Variants in PDZD2 observed in about 807,000 individuals in gnomAD.
PDZD2 encodes the protein PDZ domain containing 2.
A neutral mutation model predicts 220.7 loss-of-function variants in PDZD2; 90 were observed. The ratio of observed to expected loss-of-function variants is 0.41; its 90% CI spans 0.34 to 0.49. PDZD2 has a LOEUF of 0.49. Ranked by LOEUF, PDZD2 falls within the 20% of genes least tolerant of loss-of-function variation. The pLI is 0.28. For missense variants in PDZD2, 3,174 were observed against 3,608.5 expected, an observed-to-expected ratio of 0.88 and a Z score of 3.08; for synonymous variants, 1,375 against 1,450.5, an observed-to-expected ratio of 0.95 and a Z score of 1.18.
intron 1 of PDZD2, among the ~76,000 whole-genome samples, chr5:31,774,890 T>C (rs867433962): frequency 1.3e-4 from 20 of 152,256 alleles, no homozygotes; most frequent in Admixed American, 6.5e-5. Context: ...TAGTGTGCTG[T>C]TAAATGTTTA....
chr5:31,893,400 G>A (rs181074822), intron 2 of PDZD2, among the ~76,000 whole-genome samples: 47 of 152,184 alleles, frequency 3.1e-4, no homozygotes, highest in Admixed American at 8.5e-4. Context: ...GTGAAAACCC[G>A]TCTCTACAAA....
At chr5:32,036,114 C>T (rs1755527713) in intron 6 of PDZD2, among the ~76,000 whole-genome samples, 1 of 152,076 alleles carries the variant, frequency 6.6e-6, no homozygotes, top group African/African-American at 2.4e-5. Flanking sequence ...CGGCTAATTT[C>T]ACACCCGGCT....
rs369076866 is a variant in PDZD2 at position 32,090,852 on chromosome 5, G to C, written c.7404G>C (p.Ser2468=). Residue 2468 remains serine (S), a synonymous_variant, in exon 20 of 25, where the codon TCG becomes TCC. Transcript: ENST00000438447. The surrounding 1 kb of genome is among the most constrained non-coding windows in gnomAD (Gnocchi z 4.3). ...LASPVKRNKS[S]VRHTQPSPVS... ...CTCCTGTTAAGAGGAACAAGTCCTC[G>C]GTACGCCACACGCAGCCCTCGCCCG... The C allele has an allele frequency of 1.9e-6, 3 of 1,613,918 alleles. No homozygotes were observed. In the African/African-American group the frequency reaches 4.0e-5, roughly 22 times the overall value.
chr5:32,096,136 T>C (rs543188208), intron 21 of PDZD2, among the ~76,000 whole-genome samples: 1 of 152,278 alleles, frequency 6.6e-6, no homozygotes, highest in African/African-American at 2.4e-5. Context: ...CATTACCTCC[T>C]AGAAGCTGGA....
rs765990513 is a variant in PDZD2, at chr5:31,663,360, T to TGGTA, written c.-361+23926_-361+23929dup. Among the ~76,000 whole-genome samples the TGGTA allele has an allele frequency of 2.6e-5, 4 of 152,218 alleles. No individual in the cohort carries two copies. The East Asian group carries it at 7.7e-4, about 29-fold the overall frequency. ...TAAGGGTCACACAGTGAAGACCGTTTGGTAGGACTTTTCCCCACTGCCCCA... is the reference window on the plus strand; with the variant it reads ...TAAGGGTCACACAGTGAAGACCGTTTGGTAGGTAGGACTTTTCCCCACTGCCCCA... On this transcript the variant is annotated intron_variant, in intron 1 of 24. Coordinates refer to ENST00000438447, the MANE Select transcript of PDZD2 (RefSeq NM_178140.4).
At chr5:31,706,089 G>A (rs894164846) in intron 1 of PDZD2, among the ~76,000 whole-genome samples, 28 of 152,110 alleles carry the variant, frequency 1.8e-4, no homozygotes, top group Admixed American at 1.6e-3. Flanking sequence ...CTCTATAAGG[G>A]GAAGGATTAT....
intron 2 of PDZD2, among the ~76,000 whole-genome samples, chr5:31,924,266 G>A (rs6863478): frequency 0.18 from 27,358 of 152,026 alleles, 2,498 homozygotes; most frequent in Non-Finnish European, 0.19. Flanking sequence ...TGCCTGTTCC[G>A]CAAGCCTGCC....
chr5:32,047,293 A>C (rs959483015), intron 7 of PDZD2, among the ~76,000 whole-genome samples: 3 of 152,204 alleles, frequency 2.0e-5, no homozygotes. Flanking sequence ...GACACTGCCC[A>C]GTGTGACAAA....
chr5:31,682,169 G>A (rs1716645121), intron 1 of PDZD2, among the ~76,000 whole-genome samples: 1 of 152,226 alleles, frequency 6.6e-6, no homozygotes, highest in African/African-American at 2.4e-5. Context: ...AGCAGCTGCT[G>A]TGTGTTTCCT....
intron 1 of PDZD2, among the ~76,000 whole-genome samples, chr5:31,683,207 T>TAAAAAAAAAAAAAAAAAAAAAA (rs35467814): frequency 7.7e-6 from 1 of 129,056 alleles, no homozygotes; most frequent in African/African-American, 2.9e-5. Context: ...ATCAGAATGT[T>TAAAAAAAAAAAAAAAAAAAAAA]AAAAAAAAAA....
intron 1 of PDZD2, among the ~76,000 whole-genome samples, chr5:31,685,207 T>G (rs776096444): frequency 1.3e-5 from 2 of 152,186 alleles, no homozygotes; most frequent in Non-Finnish European, 2.9e-5. Flanking sequence ...ATTATGGTTA[T>G]TTTTCCAGAG....
At chr5:31,725,059 G>A (rs547961259) in intron 1 of PDZD2, among the ~76,000 whole-genome samples, 27 of 151,726 alleles carry the variant, frequency 1.8e-4, no homozygotes, top group African/African-American at 5.1e-4. Flanking sequence ...AGCCAGGCAC[G>A]GTGGCTCACA....
At chr5:31,779,811 G>A (rs536746190) in intron 1 of PDZD2, among the ~76,000 whole-genome samples, 13 of 152,092 alleles carry the variant, frequency 8.5e-5, no homozygotes, top group Non-Finnish European at 1.6e-4. Flanking sequence ...TGGTATGCCT[G>A]TTCTCATCTC....
chr5:31,713,929 G>A (rs1748283025), intron 1 of PDZD2, among the ~76,000 whole-genome samples: 1 of 152,178 alleles, frequency 6.6e-6, no homozygotes, highest in South Asian at 2.1e-4. Flanking sequence ...TTCTTGTACA[G>A]CCTGCAGAAC....
intron 1 of PDZD2, among the ~76,000 whole-genome samples, chr5:31,655,146 C>G (rs1277119666): frequency 6.6e-6 from 1 of 152,124 alleles, no homozygotes; most frequent in African/African-American, 2.4e-5. Context: ...TTTATTTTCT[C>G]CATTGCACAT....
intron 2 of PDZD2, chr5:31,923,321 C>T (rs1053207774): frequency 1.6e-5 from 12 of 731,198 alleles, no homozygotes; most frequent in Admixed American, 4.4e-5. Flanking sequence ...ATTCCCGATG[C>T]GGTGGTTGCT....
At chr5:31,694,801 T>TATTTTA (rs1747309291) in intron 1 of PDZD2, among the ~76,000 whole-genome samples, 1 of 144,272 alleles carries the variant, frequency 6.9e-6, no homozygotes. Context: ...TTATTTATTT[T>TATTTTA]TTTTTTGTGA....
intron 2 of PDZD2, among the ~76,000 whole-genome samples, chr5:31,881,518 C>T (rs1479569827): frequency 2.6e-5 from 4 of 151,570 alleles, no homozygotes; most frequent in African/African-American, 9.7e-5. Flanking sequence ...GCTGGCACTA[C>T]AGGCCCATGC....
At chr5:32,078,796 C>CCCAATCT (rs1277198263) in intron 19 of PDZD2, among the ~76,000 whole-genome samples, 5 of 143,582 alleles carry the variant, frequency 3.5e-5, no homozygotes, top group Non-Finnish European at 4.5e-5. Flanking sequence ...CAGAACTAGA[C>CCCAATCT]CCAATCTCTG....
Sources: allele counts gnomAD v4.1 joint callset (sites outside exome capture counted in the v4.1 genomes callset), GRCh38; gene constraint gnomAD v4.1.1; non-coding constraint Gnocchi (gnomAD v3.1); transcripts MANE v1.5; gene names NCBI Gene and HGNC (gene_info 2026-07-23, HGNC 2026-07-21).